The following NLGN1 variants were observed in gnomAD, a reference collection of about 807,000 sequenced individuals.
NLGN1 encodes the protein neuroligin-1.
Under a neutral mutation model 65.5 loss-of-function variants are expected in NLGN1, and 12 were observed. The observed-to-expected ratio is 0.18, with a 90% confidence interval of 0.12 to 0.30. The LOEUF is 0.30. NLGN1 is among the 10% of genes least tolerant of loss of function. NLGN1 has a pLI of 1.00. For synonymous variants in NLGN1, 350 were observed against 359.5 expected, an observed-to-expected ratio of 0.97 and a Z score of 0.30; for missense variants, 750 against 1,007.1, an observed-to-expected ratio of 0.74 and a Z score of 3.46.
At chr3:173,541,882 G>T (rs1738933225) in intron 2 of NLGN1, among the ~76,000 whole-genome samples, 1 of 152,052 alleles carries the variant, frequency 6.6e-6, no homozygotes, top group African/African-American at 2.4e-5. Context: ...TTTACAAGGT[G>T]TACGTAGATG....
chr3:173,798,554 T>G (rs1714683803), intron 3 of NLGN1, among the ~76,000 whole-genome samples: 1 of 152,172 alleles, frequency 6.6e-6, no homozygotes, highest in South Asian at 2.1e-4. Context: ...GCATGCCTTT[T>G]GCATTTAAAC....
At chr3:173,418,085 T>C (rs937815624) in intron 1 of NLGN1, among the ~76,000 whole-genome samples, 4 of 150,996 alleles carry the variant, frequency 2.6e-5, no homozygotes, top group Non-Finnish European at 4.4e-5. Flanking sequence ...TATATATACA[T>C]AAATAAAATA....
intron 3 of NLGN1, among the ~76,000 whole-genome samples, chr3:173,687,738 TTG>T (rs1295424646): frequency 1.3e-5 from 2 of 152,218 alleles, no homozygotes; most frequent in Non-Finnish European, 2.9e-5. Flanking sequence ...TCTTTGAAAG[TTG>T]TGTCAGATGT....
rs1718846046 is a variant in NLGN1 at position 173,407,174 on chromosome 3, T to A, written c.-390+8687T>A. Reference sequence around the variant, plus strand: ...AGATTATATTCATATTGTAATCACATCTTTATGACTAAATGCGTAGAATCA... The same window carrying A: ...AGATTATATTCATATTGTAATCACAACTTTATGACTAAATGCGTAGAATCA... On this transcript the variant is annotated intron_variant, in intron 1 of 6. Transcript: ENST00000457714. Among the ~76,000 whole-genome samples the A allele has an allele frequency of 2.0e-5, 3 of 152,228 alleles. No homozygotes were observed. The South Asian group carries it at 6.2e-4, about 32-fold the overall frequency.
intron 4 of NLGN1, among the ~76,000 whole-genome samples, chr3:174,143,614 T>A (rs7637198): frequency 6.6e-6 from 1 of 152,124 alleles, no homozygotes; most frequent in East Asian, 1.9e-4. Flanking sequence ...ACTTTATGAC[T>A]TGCTGATGGA....
intron 4 of NLGN1, among the ~76,000 whole-genome samples, chr3:173,837,372 CATA>C (rs1436538450): frequency 6.6e-6 from 1 of 152,028 alleles, no homozygotes; most frequent in Non-Finnish European, 1.5e-5. Flanking sequence ...ATGCACTCAT[CATA>C]ATTATTATAG....
At chr3:173,945,929 C>T (rs1747062603) in intron 4 of NLGN1, among the ~76,000 whole-genome samples, 1 of 152,156 alleles carries the variant, frequency 6.6e-6, no homozygotes, top group Non-Finnish European at 1.5e-5. Flanking sequence ...TATCTCCAGG[C>T]TGTCAGGGTA....
intron 4 of NLGN1, among the ~76,000 whole-genome samples, chr3:174,165,312 T>C (rs1561198389): frequency 6.6e-6 from 1 of 152,090 alleles, no homozygotes; most frequent in Non-Finnish European, 1.5e-5. Context: ...TTTTTGCCCA[T>C]TCAGTATGAT....
intron 4 of NLGN1, among the ~76,000 whole-genome samples, chr3:174,152,340 A>G (rs1463602734): frequency 6.6e-6 from 1 of 152,152 alleles, no homozygotes; most frequent in Non-Finnish European, 1.5e-5. Flanking sequence ...GATTCTTCAC[A>G]AGGAAAAACA....
rs749477095 is a variant in NLGN1, at chr3:174,241,650, C to CT, written c.647-33650dup. Among the ~76,000 whole-genome samples, 410 of 143,704 alleles carry CT rather than the reference C, an allele frequency of 2.9e-3. 1 individual carries two copies. The highest frequency in any genetic ancestry group is 3.6e-3 in the African/African-American group (140 of 39,290). The allele number at this position is 143,704 out of a possible 152,430, so 94.3% of individuals were successfully genotyped here. A position where few individuals can be genotyped will look rare whatever the true frequency, so the allele number is the denominator to read the frequency against. On this transcript the variant is annotated intron_variant, in intron 4 of 6. Coordinates refer to ENST00000457714, the Ensembl canonical transcript of NLGN1. Reference sequence around the variant, plus strand: ...CCCTACCCCCCAACATCCAACATATCTTTTTTTTTTTTTTTCTTTTTGAGA... The same window carrying CT: ...CCCTACCCCCCAACATCCAACATATCTTTTTTTTTTTTTTTTCTTTTTGAGA...
intron 3 of NLGN1, among the ~76,000 whole-genome samples, chr3:173,752,373 C>G (rs1776423932): frequency 6.6e-6 from 1 of 152,080 alleles, no homozygotes; most frequent in East Asian, 1.9e-4. Flanking sequence ...TACCTTACAC[C>G]TCGTCATAAG....
intron 3 of NLGN1, among the ~76,000 whole-genome samples, chr3:173,680,388 T>C (rs560162451): frequency 6.6e-6 from 1 of 152,156 alleles, no homozygotes; most frequent in African/African-American, 2.4e-5. Flanking sequence ...TTTTAAATTA[T>C]CTATATGCCT....
At chr3:174,042,252 A>G (rs1192229747) in intron 4 of NLGN1, among the ~76,000 whole-genome samples, 1 of 151,800 alleles carries the variant, frequency 6.6e-6, no homozygotes, top group Non-Finnish European at 1.5e-5. Flanking sequence ...TTCTTTTATA[A>G]TTATTCTTTT....
chr3:173,440,413 A>G (rs1718961877), intron 2 of NLGN1, among the ~76,000 whole-genome samples: 1 of 152,138 alleles, frequency 6.6e-6, no homozygotes, highest in African/African-American at 2.4e-5. Context: ...AAGGTTTTCC[A>G]TTTACTTTGC....
intron 3 of NLGN1, among the ~76,000 whole-genome samples, chr3:173,742,862 A>G (rs1353624646): frequency 1.3e-5 from 2 of 152,160 alleles, no homozygotes; most frequent in Non-Finnish European, 2.9e-5. Context: ...AGCAGAAAAT[A>G]CATTTCTTTC....
intron 2 of NLGN1, among the ~76,000 whole-genome samples, chr3:173,473,787 C>T (rs1725722760): frequency 6.6e-6 from 1 of 152,236 alleles, no homozygotes; most frequent in Non-Finnish European, 1.5e-5. Context: ...GTCAACTTCT[C>T]TGCATCATTT....
At chr3:173,756,564 TA>T (rs1777154964) in intron 3 of NLGN1, among the ~76,000 whole-genome samples, 1 of 151,778 alleles carries the variant, frequency 6.6e-6, no homozygotes, top group African/African-American at 2.4e-5. Flanking sequence ...CTGTGTGTAC[TA>T]AAAAAGGCTT....
intron 3 of NLGN1, among the ~76,000 whole-genome samples, chr3:173,641,580 T>G (rs997324328): frequency 6.6e-6 from 1 of 152,240 alleles, no homozygotes; most frequent in Non-Finnish European, 1.5e-5. Flanking sequence ...CATGAGCCAC[T>G]GTGCCTGGCC....
At chr3:173,600,552 G>A (rs1750325788) in intron 2 of NLGN1, among the ~76,000 whole-genome samples, 1 of 139,562 alleles carries the variant, frequency 7.2e-6, no homozygotes, top group Non-Finnish European at 1.5e-5. Context: ...ACAAATAAAT[G>A]CAAACAAGAA....
Sources: gnomAD v4.1 joint callset for allele counts (sites outside exome capture counted in the v4.1 genomes callset) on GRCh38, gnomAD v4.1.1 for gene constraint, MANE v1.5 for transcripts, NCBI Gene and HGNC (gene_info 2026-07-23, HGNC 2026-07-21) for gene names.